The following UQCRC2 variants were observed in gnomAD, a reference collection of about 807,000 sequenced individuals.
UQCRC2 encodes cytochrome b-c1 complex subunit 2, mitochondrial.
A neutral mutation model predicts 55.6 loss-of-function variants in UQCRC2; 49 were observed. The ratio of observed to expected loss-of-function variants is 0.88; its 90% CI spans 0.70 to 1.12. UQCRC2 has a LOEUF of 1.12. Among genes scored for constraint, UQCRC2 ranks in the 50% most tolerant of loss-of-function variants. UQCRC2 has a pLI of 0.00. For missense variants in UQCRC2, 506 were observed against 547.8 expected (o/e 0.92, Z 0.76); for synonymous variants, 193 against 192.0 (o/e 1.01, Z -0.04).
intron 1 of UQCRC2, among the ~76,000 whole-genome samples, chr16:21,956,210 T>C (rs1373562675): frequency 6.6e-6 from 1 of 152,136 alleles, no homozygotes; most frequent in Admixed American, 6.5e-5. Context: ...TGACATTCAT[T>C]GGGCAGATAA....
At position 21,980,578 on chromosome 16, in the gene UQCRC2, G is replaced by A. The variant is rs1373564771; in HGVS notation, c.1156G>A (p.Val386Met). The A allele has an allele frequency of 3.7e-6, 6 of 1,614,088 alleles. No individual in the cohort carries two copies. Among genetic ancestry groups the A allele is most frequent in the African/African-American group, 1.3e-5 (1 of 74,946 alleles). The stretch of plus-strand genomic sequence containing the variant: ...GCTGAAAGCTGGATACCTAATGTCA[G>A]TGGAGTCTTCTGAGTGTTTCCTGGA... ...NKLKAGYLMSVESSECFLEEV... is the reference protein window; with the variant it reads ...NKLKAGYLMSMESSECFLEEV... The change falls in exon 13 of 14, where the codon GTG becomes ATG. Residue 386 changes from valine to methionine, a missense_variant. Coordinates refer to ENST00000268379, the MANE Select transcript of UQCRC2 (RefSeq NM_003366.4).
chr16:21,954,207 A>G (rs1014928986), intron 1 of UQCRC2, among the ~76,000 whole-genome samples: 2 of 152,174 alleles, frequency 1.3e-5, no homozygotes, highest in East Asian at 1.9e-4. Context: ...GTTTGGAGAC[A>G]TATTTAGTTG....
Position 21,958,508 on chromosome 16 carries a change from A to G in UQCRC2, c.268-27A>G, listed in dbSNP as rs952949150. ...GGCAAACTTGGCATTGAAAAGCTAC[A>G]AAGATAATCATTCTTTCTTTTTCAA... On this transcript the variant is annotated intron_variant, in intron 3 of 13. Coordinates refer to ENST00000268379, the MANE Select transcript of UQCRC2 (RefSeq NM_003366.4). The G allele has an allele frequency of 6.2e-6, 10 of 1,609,278 alleles. No homozygotes were observed. The Admixed American group carries it at 1.2e-4, about 19-fold the overall frequency.
chr16:21,954,912 CGTG>C (rs1567466814), intron 1 of UQCRC2, among the ~76,000 whole-genome samples: 1 of 150,688 alleles, frequency 6.6e-6, no homozygotes, highest in Admixed American at 6.6e-5. Flanking sequence ...AATAGCCGGG[CGTG>C]GTGGTGGTGG....
At chr16:21,975,692 C>T (rs1898566626) in intron 11 of UQCRC2, among the ~76,000 whole-genome samples, 1 of 152,178 alleles carries the variant, frequency 6.6e-6, no homozygotes, top group Non-Finnish European at 1.5e-5. Context: ...GTATGGATTA[C>T]TACTCTCTTC....
chr16:21,964,383 G>T (rs1898275619), intron 6 of UQCRC2, among the ~76,000 whole-genome samples: 1 of 152,040 alleles, frequency 6.6e-6, no homozygotes, highest in African/African-American at 2.4e-5. Flanking sequence ...CTCCCACACG[G>T]CCATTACAGT....
chr16:21,968,787 G>A (rs957131468), intron 8 of UQCRC2, 102 bp downstream of exon 8: 10 of 1,047,650 alleles, frequency 9.5e-6, no homozygotes, highest in Admixed American at 8.2e-5. Context: ...TGAAAACTTC[G>A]GCCTTCTATT....
At position 21,953,384 on chromosome 16, in the gene UQCRC2, T is replaced by G. The variant is rs1191474349; in HGVS notation, c.-40T>G. 6.8e-6 allele frequency: 11 copies of G among 1,609,596 alleles called. No individual in the cohort carries two copies. Among genetic ancestry groups the G allele is most frequent in the African/African-American group, 1.3e-5 (1 of 74,918 alleles). On this transcript the variant is annotated 5_prime_UTR_variant, in exon 1 of 14. Transcript: ENST00000268379. ...GCCTCCGCCACCATCTTGCTTTCCT[T>G]TAATCCGGCAGTGACCGTGTGTCAG... is the stretch of plus-strand genomic sequence containing the variant.
At chr16:21,955,435 TGAG>T (rs2141924603) in intron 1 of UQCRC2, among the ~76,000 whole-genome samples, 1 of 152,276 alleles carries the variant, frequency 6.6e-6, no homozygotes, top group East Asian at 1.9e-4. Context: ...GAAACTCCAG[TGAG>T]GAGGTGTTCA....
Position 21,965,522 on chromosome 16 carries a change from T to G in UQCRC2, c.612+17T>G, listed in dbSNP as rs755262467. ...TCAGAGGAGGTACCAATAAAACATA[T>G]TTTGAAATGTGCTTGTTTTTCACAT... On this transcript the variant is annotated intron_variant, in intron 7 of 13. Coordinates refer to ENST00000268379, the MANE Select transcript of UQCRC2 (RefSeq NM_003366.4). 1 of 1,528,430 alleles carries G rather than the reference T, an allele frequency of 6.5e-7. No homozygotes were observed. The highest frequency in any genetic ancestry group is 8.8e-7 in the Non-Finnish European group (1 of 1,135,712). 94.7% of individuals were successfully genotyped at this position (1,528,430 alleles called of 1,614,324 possible). A position where few individuals can be genotyped will look rare whatever the true frequency, so the allele number is the denominator to read the frequency against.
intron 10 of UQCRC2, 22 bp from the exon 11 acceptor site, chr16:21,973,874 G>T: frequency 6.2e-7 from 1 of 1,609,184 alleles, no homozygotes; most frequent in Non-Finnish European, 8.5e-7. Context: ...ATATCATACA[G>T]TAAAGTCTCA....
intron 6 of UQCRC2, among the ~76,000 whole-genome samples, chr16:21,964,568 T>C (rs1321221726): frequency 2.0e-5 from 3 of 152,218 alleles, no homozygotes; most frequent in African/African-American, 7.2e-5. Flanking sequence ...TTATACTTTA[T>C]GCCTTTGTTT....
chr16:21,955,309 G>C (rs983832029), intron 1 of UQCRC2, among the ~76,000 whole-genome samples: 1 of 152,146 alleles, frequency 6.6e-6, no homozygotes, highest in African/African-American at 2.4e-5. Context: ...CTGAAAAGCA[G>C]TACTAAAAGC....
intron 6 of UQCRC2, among the ~76,000 whole-genome samples, chr16:21,963,537 C>G (rs970696086): frequency 6.6e-6 from 1 of 152,016 alleles, no homozygotes; most frequent in Non-Finnish European, 1.5e-5. Context: ...GGCACAATCT[C>G]ACTGCAGCCT....
intron 4 of UQCRC2, among the ~76,000 whole-genome samples, chr16:21,961,624 A>ATT (rs968451305): frequency 3.5e-5 from 3 of 85,302 alleles, no homozygotes; most frequent in Non-Finnish European, 4.8e-5. Flanking sequence ...ATAACATAAA[A>ATT]TTTATATATA....
chr16:21,962,961 A>C, intron 6 of UQCRC2, 76 bp downstream of exon 6: 1 of 1,496,384 alleles, frequency 6.7e-7, no homozygotes, highest in Non-Finnish European at 8.9e-7. Context: ...AAGAAAAAAA[A>C]TTGCTGTCAA....
At chr16:21,961,801 G>A (rs749166743) in intron 4 of UQCRC2, among the ~76,000 whole-genome samples, 13 of 150,892 alleles carry the variant, frequency 8.6e-5, no homozygotes, top group Non-Finnish European at 1.5e-4. Context: ...ACAGGCGTGC[G>A]CCACCATGCT....
intron 7 of UQCRC2, among the ~76,000 whole-genome samples, chr16:21,968,050 A>G (rs1663161960): frequency 7.2e-6 from 1 of 138,638 alleles, no homozygotes; most frequent in Non-Finnish European, 1.5e-5. Flanking sequence ...CGCCCAGGCC[A>G]GAGTGCAATG....
chr16:21,972,811 T>C (rs185951984), intron 10 of UQCRC2, among the ~76,000 whole-genome samples: 2,869 of 150,306 alleles, frequency 0.019, 32 homozygotes, highest in Middle Eastern at 0.053. Context: ...TTAAAGAAAT[T>C]GAAGTCCAGG....
Sources: allele counts gnomAD v4.1 joint callset (sites outside exome capture counted in the v4.1 genomes callset), GRCh38; gene constraint gnomAD v4.1.1; transcripts MANE v1.5; gene names NCBI Gene and HGNC (gene_info 2026-07-23, HGNC 2026-07-21).